Variants in SLC9A9 observed in about 807,000 individuals in gnomAD.
The protein encoded by SLC9A9 is solute carrier family 9 member A9, also known as sodium/hydrogen exchanger 9.
SLC9A9 carries 62 observed loss-of-function variants against 77.8 expected under a neutral mutation model. The observed-to-expected ratio is 0.80, with a 90% CI of 0.65 to 0.98. SLC9A9 has a LOEUF of 0.98. SLC9A9 is among the 50% of genes least tolerant of loss of function. The pLI, the probability that SLC9A9 is intolerant of heterozygous loss-of-function variation, is 0.00. For missense variants in SLC9A9, 775 were observed against 774.9 expected, an observed-to-expected ratio of 1.00 and a Z score of 0.00; for synonymous variants, 320 against 283.5, an observed-to-expected ratio of 1.13 and a Z score of -1.29.
chr3:143,384,944 CTT>C (rs1299467186), intron 12 of SLC9A9, among the ~76,000 whole-genome samples: 1 of 152,214 alleles, frequency 6.6e-6, no homozygotes, highest in Non-Finnish European at 1.5e-5. Flanking sequence ...ATATTAGCTG[CTT>C]TTGAGGAAAA....
chr3:143,488,655 C>T (rs143254276), intron 11 of SLC9A9, among the ~76,000 whole-genome samples: 1 of 152,026 alleles, frequency 6.6e-6, no homozygotes, highest in Non-Finnish European at 1.5e-5. Context: ...AGTACATGAT[C>T]ACCTCAATTG....
chr3:143,673,053 G>A (rs2039184539), intron 5 of SLC9A9, among the ~76,000 whole-genome samples: 1 of 152,110 alleles, frequency 6.6e-6, no homozygotes, highest in Admixed American at 6.5e-5. Context: ...AAACTTTAAA[G>A]GATAAAGGTG....
At chr3:143,722,741 T>C (rs80156931) in intron 4 of SLC9A9, among the ~76,000 whole-genome samples, 1,809 of 152,324 alleles carry the variant, frequency 0.012, 15 homozygotes, top group Middle Eastern at 0.041. Flanking sequence ...CAATTTTGTC[T>C]TTTGGAGCCA....
intron 6 of SLC9A9, among the ~76,000 whole-genome samples, chr3:143,621,384 C>G (rs2038210275): frequency 6.6e-6 from 1 of 152,180 alleles, no homozygotes; most frequent in Admixed American, 6.5e-5. Context: ...CAGACTGACA[C>G]CTCACATGGC....
In SLC9A9 at chr3:143,266,056, C is replaced by T. The variant is rs1319002821; in HGVS notation, c.*646G>A. On this transcript the variant is annotated 3_prime_UTR_variant, in exon 16 of 16. Transcript: ENST00000316549. ...GCATTTAGGGCAGGGCACACCCAGC[C>T]ATAGGCAACCCCTTTGAGCGATGGG... 1 of 702,326 alleles carries T rather than the reference C, an allele frequency of 1.4e-6. No individual in the cohort carries two copies. The highest frequency in any genetic ancestry group is 2.7e-5 in the East Asian group (1 of 37,300). The allele number at this position is 702,326 out of a possible 1,614,324, so 43.5% of individuals were successfully genotyped here. A position where few individuals can be genotyped will look rare whatever the true frequency, so the allele number is the denominator to read the frequency against.
At chr3:143,375,925 G>T (rs745315192) in intron 13 of SLC9A9, among the ~76,000 whole-genome samples, 3 of 151,958 alleles carry the variant, frequency 2.0e-5, no homozygotes, top group South Asian at 2.1e-4. Flanking sequence ...CCTGCCTCAG[G>T]GCCCTTGTCT....
intron 14 of SLC9A9, among the ~76,000 whole-genome samples, chr3:143,348,156 G>A (rs183506806): frequency 7.9e-5 from 12 of 151,890 alleles, no homozygotes; most frequent in African/African-American, 2.4e-4. Context: ...TGGGACTACA[G>A]GTCCAGCTAA....
chr3:143,544,884 G>C (rs949683024), intron 9 of SLC9A9, among the ~76,000 whole-genome samples: 1 of 152,124 alleles, frequency 6.6e-6, no homozygotes, highest in African/African-American at 2.4e-5. Flanking sequence ...TCTTCCGCAT[G>C]TGGCAAGTCA....
chr3:143,504,815 GGCATTAATACACTT>G (rs1463080136), intron 9 of SLC9A9, among the ~76,000 whole-genome samples: 1 of 152,012 alleles, frequency 6.6e-6, no homozygotes, highest in East Asian at 1.9e-4. Context: ...TACATTCAAA[GGCATTAATACACTT>G]GCATTAACAC....
chr3:143,809,051 T>A (rs971940848), intron 2 of SLC9A9, among the ~76,000 whole-genome samples: 15 of 152,222 alleles, frequency 9.9e-5, no homozygotes, highest in Non-Finnish European at 1.9e-4. Context: ...CCATTATTGA[T>A]CTATTTTTAT....
intron 14 of SLC9A9, among the ~76,000 whole-genome samples, chr3:143,349,517 T>C (rs1232636093): frequency 2.0e-5 from 3 of 152,212 alleles, no homozygotes; most frequent in East Asian, 3.9e-4. Context: ...GTAAGTATAA[T>C]AGTGTGAATC....
At chr3:143,309,602 T>C (rs1302997779) in intron 14 of SLC9A9, among the ~76,000 whole-genome samples, 1 of 152,192 alleles carries the variant, frequency 6.6e-6, no homozygotes, top group Admixed American at 6.5e-5. Flanking sequence ...GACCCTTTCT[T>C]CTCATGTTTC....
chr3:143,734,606 C>A, intron 4 of SLC9A9, among the ~76,000 whole-genome samples: 1 of 151,804 alleles, frequency 6.6e-6, no homozygotes, highest in East Asian at 1.9e-4. Flanking sequence ...TTGTGGCAAG[C>A]ACCTGTAGTC....
chr3:143,458,019 C>G (rs1241786364), intron 12 of SLC9A9, among the ~76,000 whole-genome samples: 1 of 152,144 alleles, frequency 6.6e-6, no homozygotes, highest in Non-Finnish European at 1.5e-5. Context: ...ATCAGTTACT[C>G]AGGGACAAGT....
chr3:143,399,232 C>T (rs964543756), intron 12 of SLC9A9, among the ~76,000 whole-genome samples: 8 of 152,082 alleles, frequency 5.3e-5, no homozygotes, highest in Non-Finnish European at 8.8e-5. Context: ...GCTGCTACTG[C>T]ATGACACATA....
rs116175490 is a variant in SLC9A9, at chr3:143,733,422, A to G, written c.534-40115T>C. On this transcript the variant is annotated intron_variant, in intron 4 of 15. Transcript: ENST00000316549. ...TGTCCCTGGGCTGGGGGTTGGGTGT[A>G]TGAATGGGAAGATAAAGGCCACTCC... 3.4e-3 allele frequency among the ~76,000 whole-genome samples: 525 copies of G among 152,184 alleles called. 5 individuals carry two copies. The highest frequency in any genetic ancestry group is 0.012 in the African/African-American group (495 of 41,534).
In SLC9A9 at chr3:143,578,655, A is replaced by G. The variant is rs772802588; in HGVS notation, c.824T>C (p.Val275Ala). 5.6e-6 allele frequency: 9 copies of G among 1,614,114 alleles called. No homozygotes were observed. In the South Asian group the frequency reaches 9.9e-5, roughly 18 times the overall value. The part of the protein sequence containing the change: ...AFDAAAFFQS[V>A]GNFLGIFAGS... ...AGCGAAGATTCCCAGGAAATTCCCC[A>G]CAGACTGGAAGAATGCTGCGGCATC... The change falls in exon 7 of 16, where the codon GTG (valine) becomes GCG (alanine). Residue 275 changes from valine to alanine, a missense_variant. Physicochemically the swap from Val to Ala is moderately conservative, Grantham distance 64. Coordinates refer to ENST00000316549, the MANE Select transcript of SLC9A9 (RefSeq NM_173653.4).
At chr3:143,734,351 G>A (rs746447945) in intron 4 of SLC9A9, among the ~76,000 whole-genome samples, 2 of 152,172 alleles carry the variant, frequency 1.3e-5, no homozygotes, top group Non-Finnish European at 2.9e-5. Context: ...TTATGTGTGT[G>A]CCTGTGTGTG....
intron 12 of SLC9A9, among the ~76,000 whole-genome samples, chr3:143,399,016 CAT>C (rs1210240035): frequency 9.9e-5 from 15 of 152,038 alleles, no homozygotes; most frequent in South Asian, 4.1e-4. Context: ...CATACACACA[CAT>C]ACATATATAT....
Sources: gnomAD v4.1 joint callset for allele counts (sites outside exome capture counted in the v4.1 genomes callset) on GRCh38, gnomAD v4.1.1 for gene constraint, MANE v1.5 for transcripts, NCBI Gene and HGNC (gene_info 2026-07-23, HGNC 2026-07-21) for gene names.